Variants in ZFHX4 observed in about 807,000 individuals in gnomAD.
ZFHX4 encodes the protein zinc finger homeobox 4.
A neutral mutation model predicts 267.6 loss-of-function variants in ZFHX4; 56 were observed. The observed-to-expected ratio is 0.21, with a 90% CI of 0.17 to 0.26. ZFHX4 has a LOEUF of 0.26. ZFHX4 is among the 10% of genes least tolerant of loss of function. The pLI, the probability that ZFHX4 is intolerant of heterozygous loss-of-function variation, is 1.00. For synonymous variants in ZFHX4, 1,778 were observed against 1,665.6 expected, an observed-to-expected ratio of 1.07 and a Z score of -1.64; for missense variants, 4,332 against 4,420.0, an observed-to-expected ratio of 0.98 and a Z score of 0.56.
intron 3 of ZFHX4, among the ~76,000 whole-genome samples, chr8:76,761,991 C>A (rs1809926122): frequency 6.6e-6 from 1 of 152,148 alleles, no homozygotes. Flanking sequence ...AAATTACTAA[C>A]AAATAAAATC....
intron 4 of ZFHX4, among the ~76,000 whole-genome samples, chr8:76,792,487 G>A (rs181842393): frequency 6.6e-6 from 1 of 152,240 alleles, no homozygotes; most frequent in East Asian, 1.9e-4. Context: ...AGAAATATTT[G>A]TGAATTTATT....
At chr8:76,734,323 C>CA (rs529073157) in intron 3 of ZFHX4, among the ~76,000 whole-genome samples, 3 of 151,750 alleles carry the variant, frequency 2.0e-5, no homozygotes, top group Admixed American at 1.3e-4. Flanking sequence ...TGAAAACAAA[C>CA]AAAAAAAGGC....
At chr8:76,754,699 A>G (rs1809718024) in intron 3 of ZFHX4, among the ~76,000 whole-genome samples, 1 of 152,186 alleles carries the variant, frequency 6.6e-6, no homozygotes, top group Admixed American at 6.6e-5. Context: ...ATTTGTGTTG[A>G]GAACGTTCAA....
rs777647350 is a variant in ZFHX4 at position 76,863,938 on chromosome 8, C to T, written c.10224C>T (p.Cys3408=). The part of the protein sequence containing the change: ...FVKYEFICRK[C]QMMFTDEDAA... ...AGTATGAGTTTATATGCAGAAAGTG[C>T]CAGATGATGTTTACTGATGAAGACG... The change falls in exon 11 of 11, where the codon TGC becomes TGT. Residue 3408 remains cysteine, a synonymous_variant. Coordinates refer to ENST00000651372, the MANE Select transcript of ZFHX4 (RefSeq NM_024721.5). The T allele has an allele frequency of 6.2e-7, 1 of 1,602,296 alleles. No individual in the cohort carries two copies. The highest frequency in any genetic ancestry group is 8.5e-7 in the Non-Finnish European group (1 of 1,174,020).
At position 76,853,393 on chromosome 8, in the gene ZFHX4, C is replaced by CTCCA; in HGVS notation, c.6472_6473insTCCA (p.Gln2158LeufsTer22). 6.2e-7 allele frequency: 1 copy of CTCCA among 1,613,798 alleles called. No individual in the cohort carries two copies. ...CATTAATAATTCTCCAAGTGAAGAA[C>CTCCA]AGATCCAGGAAATGGCAGAGAAATC... On this transcript the variant is annotated frameshift_variant, in exon 10 of 11. Coordinates refer to ENST00000651372, the MANE Select transcript of ZFHX4 (RefSeq NM_024721.5). LOFTEE classifies it high-confidence loss of function.
chr8:76,684,564 G>A (rs369590084), intron 1 of ZFHX4, among the ~76,000 whole-genome samples: 1 of 152,160 alleles, frequency 6.6e-6, no homozygotes, highest in Non-Finnish European at 1.5e-5. Context: ...AAATATGGGG[G>A]AAATATCATA....
rs1585924466 is a variant in ZFHX4, at chr8:76,768,087, G to C, written c.3094-10121G>C. Among the ~76,000 whole-genome samples the C allele has an allele frequency of 2.0e-5, 3 of 152,182 alleles. No homozygotes were observed. In the Middle Eastern group the frequency reaches 0.01, roughly 518 times the overall value. ...GGGCTTTAAAATGGGTAAAATTGGG[G>C]TATGTACACATAAAACATTGACAAG... On this transcript the variant is annotated intron_variant, in intron 3 of 10. Coordinates refer to ENST00000651372, the MANE Select transcript of ZFHX4 (RefSeq NM_024721.5).
At chr8:76,836,206 T>C (rs952617760) in intron 5 of ZFHX4, among the ~76,000 whole-genome samples, 1 of 152,110 alleles carries the variant, frequency 6.6e-6, no homozygotes, top group African/African-American at 2.4e-5. Flanking sequence ...GCAATAAATG[T>C]GATAAAGGAA....
intron 3 of ZFHX4, among the ~76,000 whole-genome samples, chr8:76,710,712 A>G (rs1808401351): frequency 1.3e-5 from 2 of 152,196 alleles, no homozygotes; most frequent in African/African-American, 4.8e-5. Context: ...TTGACAACAT[A>G]TTGATTCATA....
chr8:76,722,938 T>G (rs1585883143), intron 3 of ZFHX4, among the ~76,000 whole-genome samples: 2 of 152,024 alleles, frequency 1.3e-5, no homozygotes, highest in African/African-American at 2.4e-5. Flanking sequence ...TAACTTTATC[T>G]CCCCAATTGG....
chr8:76,790,072 T>A (rs987454286), intron 4 of ZFHX4, among the ~76,000 whole-genome samples: 2 of 152,168 alleles, frequency 1.3e-5, no homozygotes, highest in Non-Finnish European at 2.9e-5. Flanking sequence ...TATATTTGCA[T>A]ATTGAAAAGC....
At chr8:76,714,162 T>G (rs899190008) in intron 3 of ZFHX4, among the ~76,000 whole-genome samples, 7 of 152,204 alleles carry the variant, frequency 4.6e-5, no homozygotes, top group Non-Finnish European at 1.0e-4. Flanking sequence ...TCTCTCATAA[T>G]TAATGTGCTC....
Position 76,855,194 on chromosome 8 carries a change from A to T in ZFHX4, c.8273A>T (p.Lys2758Ile). Residue 2758 changes from lysine (K) to isoleucine (I), a missense_variant, in exon 10 of 11, where the codon AAA becomes ATA. Transcript: ENST00000651372. ...LASTVSTPVSKTAELSPKNLL... is the reference protein window; with the variant it reads ...LASTVSTPVSITAELSPKNLL... ...TCTACAGTGTCAACACCTGTTAGTA[A>T]AACAGCAGAGCTGTCACCGAAGAAT... 2 of 1,613,244 alleles carry T rather than the reference A, an allele frequency of 1.2e-6. No homozygotes were observed. The highest frequency in any genetic ancestry group is 1.7e-6 in the Non-Finnish European group (2 of 1,179,630).
intron 3 of ZFHX4, among the ~76,000 whole-genome samples, chr8:76,768,972 C>T (rs1810185385): frequency 6.6e-6 from 1 of 152,098 alleles, no homozygotes; most frequent in Admixed American, 6.6e-5. Flanking sequence ...GTGGTGCATG[C>T]TTGTAGTCCC....
chr8:76,707,713 C>G lies in ZFHX4; in HGVS notation c.2758C>G (p.Leu920Val), dbSNP rs753512952. The G allele has an allele frequency of 3.7e-6, 6 of 1,613,818 alleles. No individual in the cohort carries two copies. In the South Asian group the frequency reaches 4.4e-5, roughly 12 times the overall value. Reference sequence around the variant, plus strand: ...ATTCACCTCTGACAGCCTGGAGGCCCTAAGTGTGCATGTGAGCAGTGAGCG... The same window carrying G: ...ATTCACCTCTGACAGCCTGGAGGCCGTAAGTGTGCATGTGAGCAGTGAGCG... ...NKFTSDSLEA[L>V]SVHVSSERSL... Residue 920 changes from leucine to valine, a missense_variant, in exon 3 of 11, where the codon CTA becomes GTA. By Grantham distance (32) the Leu-to-Val change is conservative. Transcript: ENST00000651372.
At chr8:76,861,856 A>G (rs1022423407) in intron 10 of ZFHX4, among the ~76,000 whole-genome samples, 16 of 151,538 alleles carry the variant, frequency 1.1e-4, no homozygotes, top group African/African-American at 3.6e-4. Context: ...TCTCATGATC[A>G]TTCCCTCTAG....
At chr8:76,715,210 AGGCCAG>A (rs764526599) in intron 3 of ZFHX4, among the ~76,000 whole-genome samples, 1 of 152,112 alleles carries the variant, frequency 6.6e-6, no homozygotes, top group Non-Finnish European at 1.5e-5. Flanking sequence ...TAAAGAATGC[AGGCCAG>A]GCGTGGTGGC....
rs190957705 is a variant in ZFHX4 at position 76,859,068 on chromosome 8, C to T, written c.9379+2768C>T. On this transcript the variant is annotated intron_variant, in intron 10 of 10. Transcript: ENST00000651372. ...AGCTTAATTGCAGTGTAAAAATGTTCGGTTTTAGTATTTATCAACTTCTGA... is the reference window on the plus strand; with the variant it reads ...AGCTTAATTGCAGTGTAAAAATGTTTGGTTTTAGTATTTATCAACTTCTGA... Among the ~76,000 whole-genome samples the T allele has an allele frequency of 3.4e-3, 523 of 152,222 alleles. 3 individuals carry two copies. Among genetic ancestry groups the T allele is most frequent in the South Asian group, 9.3e-3 (45 of 4,824 alleles).
Position 76,778,241 on chromosome 8 carries a change from G to A in ZFHX4, c.3127G>A (p.Glu1043Lys), listed in dbSNP as rs572353774. ...LQKQEGAVNP[E>K]SCYYYCAVCD... ...GAAGCAAGAGGGTGCAGTGAATCCC[G>A]AATCCTGCTATTACTACTGTGCCGT... Residue 1043 changes from glutamate (E) to lysine (K), a missense_variant, in exon 4 of 11, where the codon GAA (glutamate) becomes AAA (lysine). By Grantham distance (56) the Glu-to-Lys change is moderately conservative. Around this residue, in one of 7 missense-constraint regions of ZFHX4, gnomAD observed 1,371 missense variants for 1,423.1 expected, o/e 0.96. Transcript: ENST00000651372. 4.3e-6 allele frequency: 7 copies of A among 1,613,444 alleles called. No homozygotes were observed. Among genetic ancestry groups the A allele is most frequent in the African/African-American group, 2.7e-5 (2 of 74,940 alleles).
Sources: allele counts gnomAD v4.1 joint callset (sites outside exome capture counted in the v4.1 genomes callset), GRCh38; gene constraint gnomAD v4.1.1; regional missense constraint gnomAD v4.1.1; transcripts MANE v1.5; gene names NCBI Gene and HGNC (gene_info 2026-07-23, HGNC 2026-07-21).